The following SORCS3 variants were observed in gnomAD, a reference collection of about 807,000 sequenced individuals.
SORCS3 encodes the protein sortilin related VPS10 domain containing receptor 3.
A neutral mutation model predicts 146.3 loss-of-function variants in SORCS3; 57 were observed. That is an observed-to-expected ratio of 0.39 (90% CI 0.31 to 0.49). The LOEUF (loss-of-function observed/expected upper bound fraction) is 0.49. Among genes scored for constraint, SORCS3 ranks in the 20% least tolerant of loss-of-function variants. The pLI is 0.92. For missense variants in SORCS3, 1,341 were observed against 1,575.5 expected (o/e 0.85, Z 2.52); for synonymous variants, 653 against 618.5 (o/e 1.06, Z -0.83).
rs1007165511 is a variant in SORCS3, at chr10:104,928,293, G to A, written c.795+12361G>A. Among the ~76,000 whole-genome samples the A allele has an allele frequency of 3.3e-5, 5 of 152,256 alleles. 1 individual carries two copies. Among genetic ancestry groups the A allele is most frequent in the South Asian group, 2.1e-4 (1 of 4,822 alleles). On this transcript the variant is annotated intron_variant, in intron 3 of 26. Coordinates refer to ENST00000369701, the MANE Select transcript of SORCS3 (RefSeq NM_014978.3). ...CCTCTCAGACTGATGAGATGCCTGTGTTAAGCATCCCACTCTGTCCTCTCT... is the reference window on the plus strand; with the variant it reads ...CCTCTCAGACTGATGAGATGCCTGTATTAAGCATCCCACTCTGTCCTCTCT...
intron 7 of SORCS3, among the ~76,000 whole-genome samples, chr10:105,111,370 T>C (rs534417424): frequency 2.6e-5 from 4 of 152,292 alleles, no homozygotes; most frequent in African/African-American, 9.6e-5. Flanking sequence ...TTATTCGTCA[T>C]TGCTTCTCTT....
chr10:105,056,420 G>T (rs906246413), intron 5 of SORCS3, among the ~76,000 whole-genome samples: 13 of 152,104 alleles, frequency 8.5e-5, no homozygotes, highest in African/African-American at 3.1e-4. Context: ...AGTTTGTGTC[G>T]AGGAGCAATG....
chr10:105,158,977 G>A lies in SORCS3; in HGVS notation c.1715G>A (p.Gly572Glu). Residue 572 changes from glycine (G) to glutamate (E), a missense_variant, in exon 11 of 27, where the codon GGA becomes GAA. By Grantham distance (98) the Gly-to-Glu change is moderately conservative. Coordinates refer to ENST00000369701, the MANE Select transcript of SORCS3 (RefSeq NM_014978.3). ...ATCTCTAGCAAGGAGACAGCCCCAG[G>A]ACTTGTGGTGGCTACAGGTAAGAAA... ...GRISSKETAP[G>E]LVVATGNIGP... 6.2e-7 allele frequency: 1 copy of A among 1,611,826 alleles called. No homozygotes were observed. Among genetic ancestry groups the A allele is most frequent in the South Asian group, 1.1e-5 (1 of 90,994 alleles).
chr10:104,723,573 G>A (rs2016579971), intron 1 of SORCS3, among the ~76,000 whole-genome samples: 2 of 152,158 alleles, frequency 1.3e-5, no homozygotes, highest in Admixed American at 6.5e-5. Flanking sequence ...AATGTTGACA[G>A]TGGGGTGTTA....
intron 1 of SORCS3, among the ~76,000 whole-genome samples, chr10:104,833,789 A>G (rs2018034881): frequency 6.6e-6 from 1 of 152,190 alleles, no homozygotes; most frequent in African/African-American, 2.4e-5. Flanking sequence ...TGATATTTGT[A>G]GCCTAAACTC....
intron 20 of SORCS3, among the ~76,000 whole-genome samples, chr10:105,241,263 C>T (rs570034592): frequency 3.3e-5 from 5 of 152,216 alleles, no homozygotes; most frequent in South Asian, 2.1e-4. Flanking sequence ...AGCATGTGAG[C>T]GAGTTAGTGT....
intron 3 of SORCS3, among the ~76,000 whole-genome samples, chr10:104,947,883 G>A (rs532647573): frequency 3.3e-5 from 5 of 152,232 alleles, no homozygotes; most frequent in African/African-American, 1.2e-4. Context: ...CCAAAGTGCT[G>A]GGATTATAGG....
chr10:105,089,944 C>T, intron 6 of SORCS3, 105 bp downstream of exon 6: 1 of 858,104 alleles, frequency 1.2e-6, no homozygotes, highest in South Asian at 1.5e-5. Context: ...AAGCTCTGAG[C>T]TCCATTACAG....
intron 16 of SORCS3, among the ~76,000 whole-genome samples, chr10:105,210,485 G>A (rs370874639): frequency 2.6e-5 from 4 of 152,278 alleles, no homozygotes; most frequent in South Asian, 4.1e-4. Flanking sequence ...GGGAAGCACT[G>A]TTTGGACTTC....
intron 6 of SORCS3, among the ~76,000 whole-genome samples, chr10:105,090,501 C>T (rs2055694380): frequency 6.6e-6 from 1 of 152,180 alleles, no homozygotes; most frequent in African/African-American, 2.4e-5. Flanking sequence ...TTATTCTTCT[C>T]AGAGTTGTTT....
intron 4 of SORCS3, among the ~76,000 whole-genome samples, chr10:105,003,765 C>T (rs1335328292): frequency 6.6e-6 from 1 of 152,104 alleles, no homozygotes; most frequent in African/African-American, 2.4e-5. Context: ...TCCATGGGCT[C>T]CTTCCTGTGC....
intron 14 of SORCS3, among the ~76,000 whole-genome samples, chr10:105,191,598 C>T (rs781399023): frequency 1.7e-4 from 26 of 152,256 alleles, no homozygotes; most frequent in South Asian, 4.1e-4. Flanking sequence ...AAGCAGCAGT[C>T]CCCAACCTTT....
At chr10:104,966,157 T>G (rs2054825257) in intron 3 of SORCS3, among the ~76,000 whole-genome samples, 1 of 151,878 alleles carries the variant, frequency 6.6e-6, no homozygotes, top group Non-Finnish European at 1.5e-5. Context: ...ACCGGAACTC[T>G]CTCCCCTGCC....
chr10:104,820,607 TG>T (rs1468021219), intron 1 of SORCS3, among the ~76,000 whole-genome samples: 20 of 152,314 alleles, frequency 1.3e-4, no homozygotes, highest in African/African-American at 4.8e-4. Context: ...TGCAGCCCTG[TG>T]TTCTGTTTGG....
chr10:105,147,633 G>A lies in SORCS3; in HGVS notation c.1319G>A (p.Ser440Asn), dbSNP rs1359912018. 3.1e-6 allele frequency: 5 copies of A among 1,612,328 alleles called. No homozygotes were observed. The highest frequency in any genetic ancestry group is 4.2e-6 in the Non-Finnish European group (5 of 1,178,856). ...TTCTTTCAGGACATGCACATCATCAGTACAGACGAGAACCAAGTATTTGCT... is the reference window on the plus strand; with the variant it reads ...TTCTTTCAGGACATGCACATCATCAATACAGACGAGAACCAAGTATTTGCT... ...YSLPKDMHII[S>N]TDENQVFAAV... is the part of the protein sequence containing the mutation. The change falls in exon 9 of 27, where the codon AGT becomes AAT. Residue 440 changes from serine (S) to asparagine (N), a missense_variant. Physicochemically the swap from Ser to Asn is conservative, Grantham distance 46. Coordinates refer to ENST00000369701, the MANE Select transcript of SORCS3 (RefSeq NM_014978.3).
chr10:104,779,943 C>A (rs1322545194), intron 1 of SORCS3, among the ~76,000 whole-genome samples: 1 of 152,150 alleles, frequency 6.6e-6, no homozygotes. Flanking sequence ...GAGACGTGCA[C>A]ATCATTAACC....
intron 4 of SORCS3, among the ~76,000 whole-genome samples, chr10:105,018,056 TG>T (rs2055177995): frequency 6.6e-6 from 1 of 151,964 alleles, no homozygotes; most frequent in South Asian, 2.1e-4. Flanking sequence ...TAGCCAAAGG[TG>T]AATTTATGGG....
At chr10:104,925,846 A>G (rs990994908) in intron 3 of SORCS3, among the ~76,000 whole-genome samples, 1 of 152,236 alleles carries the variant, frequency 6.6e-6, no homozygotes, top group Non-Finnish European at 1.5e-5. Flanking sequence ...GTCTCTTTGG[A>G]CTTTCAAATT....
At chr10:104,656,365 G>A (rs973741019) in intron 1 of SORCS3, among the ~76,000 whole-genome samples, 2 of 152,134 alleles carry the variant, frequency 1.3e-5, no homozygotes, top group Non-Finnish European at 2.9e-5. Context: ...TATCCCAACA[G>A]CAAAGGGGTG....
Sources: gnomAD v4.1 joint callset for allele counts (sites outside exome capture counted in the v4.1 genomes callset) on GRCh38, gnomAD v4.1.1 for gene constraint, MANE v1.5 for transcripts, NCBI Gene and HGNC (gene_info 2026-07-23, HGNC 2026-07-21) for gene names.